Variants in IRAK2 observed in about 807,000 individuals in gnomAD.
IRAK2 encodes the protein interleukin 1 receptor associated kinase 2, also known as interleukin-1 receptor-associated kinase-like 2.
In IRAK2, 57 loss-of-function variants were observed where a neutral mutation model predicts 72.0. The observed-to-expected ratio is 0.79, with a 90% confidence interval of 0.64 to 0.99. IRAK2 has a LOEUF of 0.99. Ranked by LOEUF, IRAK2 falls within the 50% of genes least tolerant of loss-of-function variation. The pLI is 0.00. For synonymous variants in IRAK2, 293 were observed against 312.7 expected, an observed-to-expected ratio of 0.94 and a Z score of 0.67; for missense variants, 790 against 794.4, an observed-to-expected ratio of 0.99 and a Z score of 0.07.
intron 11 of IRAK2, among the ~76,000 whole-genome samples, chr3:10,236,646 C>T (rs766810468): frequency 8.5e-5 from 13 of 152,116 alleles, no homozygotes; most frequent in Non-Finnish European, 1.3e-4. Context: ...CTGTGCCCAG[C>T]CTCACTAAGG....
rs371683960 is a variant in IRAK2, at chr3:10,213,338, C to A, written c.660C>A (p.Thr220=). 22 of 1,613,940 alleles carry A rather than the reference C, an allele frequency of 1.4e-5. No individual in the cohort carries two copies. Among genetic ancestry groups the A allele is most frequent in the East Asian group, 6.7e-5 (3 of 44,880 alleles). The change falls in exon 5 of 13, where the codon ACC becomes ACA. Residue 220 remains threonine, a synonymous_variant. Coordinates refer to ENST00000256458, the MANE Select transcript of IRAK2 (RefSeq NM_001570.4). ...FNQNRKISQG[T]FADVYRGHRH... ...AAAACCGCAAAATCAGCCAGGGGAC[C>A]TTTGCTGACGTCTACAGAGGGCACA...
chr3:10,219,655 G>C, intron 7 of IRAK2, 25 bp from the exon 8 acceptor site: 1 of 1,564,950 alleles, frequency 6.4e-7, no homozygotes, highest in Non-Finnish European at 8.8e-7. Context: ...GTGACTATTT[G>C]TCCTCCTGCT....
intron 1 of IRAK2, among the ~76,000 whole-genome samples, chr3:10,176,065 G>GT (rs58627914): frequency 0.034 from 2,645 of 77,270 alleles, 32 homozygotes; most frequent in African/African-American, 0.052. Flanking sequence ...TATTGTCCAT[G>GT]TTTTTTTTTT....
chr3:10,236,952 A>C (rs546535215), intron 11 of IRAK2, among the ~76,000 whole-genome samples: 3 of 152,322 alleles, frequency 2.0e-5, no homozygotes, highest in African/African-American at 7.2e-5. Context: ...TTTGTTTGCT[A>C]TCCTTACCAT....
chr3:10,235,900 C>A (rs1697948761), intron 11 of IRAK2, among the ~76,000 whole-genome samples: 1 of 152,158 alleles, frequency 6.6e-6, no homozygotes, highest in African/African-American at 2.4e-5. Context: ...TTGTTCTCAG[C>A]CTTTGCTAGC....
rs1698074077 is a variant in IRAK2 at position 10,242,331 on chromosome 3, A to C, written c.*103A>C. 1 of 643,658 alleles carries C rather than the reference A, an allele frequency of 1.6e-6. No homozygotes were observed. The highest frequency in any genetic ancestry group is 2.7e-6 in the Non-Finnish European group (1 of 368,364). The allele number at this position is 643,658 out of a possible 1,614,324, so 39.9% of individuals were successfully genotyped here. On this transcript the variant is annotated 3_prime_UTR_variant, in exon 13 of 13. Coordinates refer to ENST00000256458, the MANE Select transcript of IRAK2 (RefSeq NM_001570.4). ...ATCCAAGATCTGCCAGGAAACACAC[A>C]ACAAAACATCTGCTGTCCTGGGTGG... is the stretch of plus-strand genomic sequence containing the variant.
intron 2 of IRAK2, among the ~76,000 whole-genome samples, chr3:10,196,934 C>G (rs372315195): frequency 6.6e-6 from 1 of 152,168 alleles, no homozygotes; most frequent in African/African-American, 2.4e-5. Context: ...GCTACTCACA[C>G]TAGCTTGGAA....
chr3:10,168,663 G>A (rs1047734004), intron 1 of IRAK2, among the ~76,000 whole-genome samples: 8 of 152,248 alleles, frequency 5.3e-5, no homozygotes, highest in Admixed American at 4.6e-4. Context: ...ATACCTCTGC[G>A]AGGCTCCCCA....
intron 11 of IRAK2, among the ~76,000 whole-genome samples, chr3:10,236,808 CAAG>C (rs1697967250): frequency 6.6e-6 from 1 of 152,224 alleles, no homozygotes; most frequent in Non-Finnish European, 1.5e-5. Context: ...ACTGCTATAA[CAAG>C]GAGACTGCAA....
intron 3 of IRAK2, among the ~76,000 whole-genome samples, chr3:10,206,650 G>A (rs1165223696): frequency 6.6e-6 from 1 of 152,156 alleles, no homozygotes; most frequent in Non-Finnish European, 1.5e-5. Flanking sequence ...CTGCCTCCCA[G>A]GTTTAAGCGA....
intron 11 of IRAK2, 64 bp downstream of exon 11, chr3:10,234,723 G>A (rs1697924797): frequency 7.0e-7 from 1 of 1,434,598 alleles, no homozygotes; most frequent in Non-Finnish European, 9.7e-7. Context: ...ATCGGGGACG[G>A]CCCCTTCGCA....
At chr3:10,238,529 G>C (rs539805910) in intron 11 of IRAK2, among the ~76,000 whole-genome samples, 1 of 152,262 alleles carries the variant, frequency 6.6e-6, no homozygotes, top group Non-Finnish European at 1.5e-5. Context: ...GGGGTACTAT[G>C]ATCTGCCCAT....
Position 10,213,363 on chromosome 3 carries a change from A to G in IRAK2, c.685A>G (p.Arg229Gly). 1 of 1,614,114 alleles carries G rather than the reference A, an allele frequency of 6.2e-7. No homozygotes were observed. Among genetic ancestry groups the G allele is most frequent in the Non-Finnish European group, 8.5e-7 (1 of 1,180,026 alleles). The change falls in exon 5 of 13, where the codon AGG becomes GGG. Residue 229 changes from arginine to glycine, a missense_variant. Transcript: ENST00000256458. Reference sequence around the variant, plus strand: ...CTTTGCTGACGTCTACAGAGGGCACAGGCACGGGAAGCCATTCGTCTTCAA... The same window carrying G: ...CTTTGCTGACGTCTACAGAGGGCACGGGCACGGGAAGCCATTCGTCTTCAA... Reference protein sequence around the residue: ...GTFADVYRGHRHGKPFVFKKL... With the variant: ...GTFADVYRGHGHGKPFVFKKL...
chr3:10,183,208 G>A (rs1401059367), intron 2 of IRAK2, among the ~76,000 whole-genome samples: 1 of 152,202 alleles, frequency 6.6e-6, no homozygotes, highest in Non-Finnish European at 1.5e-5. Context: ...GCCTGGATGT[G>A]ACTGTGGCCT....
chr3:10,242,241 A>T lies in IRAK2; in HGVS notation c.*13A>T. Reference sequence around the variant, plus strand: ...CTTTGGCCCCTGATGACCGGAACACAGCTGAGGACCCTTGTCCTCAGTTGG... The same window carrying T: ...CTTTGGCCCCTGATGACCGGAACACTGCTGAGGACCCTTGTCCTCAGTTGG... On this transcript the variant is annotated 3_prime_UTR_variant, in exon 13 of 13. Coordinates refer to ENST00000256458, the MANE Select transcript of IRAK2 (RefSeq NM_001570.4). 6.8e-7 allele frequency: 1 copy of T among 1,478,636 alleles called. No individual in the cohort carries two copies. The highest frequency in any genetic ancestry group is 9.4e-7 in the Non-Finnish European group (1 of 1,062,122). 91.6% of individuals were successfully genotyped at this position (1,478,636 alleles called of 1,614,324 possible).
intron 1 of IRAK2, among the ~76,000 whole-genome samples, chr3:10,167,437 C>T (rs1017671873): frequency 2.1e-4 from 31 of 149,112 alleles, no homozygotes; most frequent in Admixed American, 1.9e-3. Flanking sequence ...TTTTTTGAGA[C>T]GGAGTCTCGC....
intron 7 of IRAK2, among the ~76,000 whole-genome samples, chr3:10,217,412 A>G (rs577901840): frequency 1.3e-5 from 2 of 152,378 alleles, no homozygotes; most frequent in East Asian, 1.9e-4. Context: ...AAGGTATCTC[A>G]TAGAACTAAC....
chr3:10,225,925 T>C (rs1316325555), intron 9 of IRAK2, among the ~76,000 whole-genome samples: 1 of 152,070 alleles, frequency 6.6e-6, no homozygotes, highest in Non-Finnish European at 1.5e-5. Context: ...GGTCTCGATC[T>C]CCTGACCACG....
intron 2 of IRAK2, among the ~76,000 whole-genome samples, chr3:10,183,510 G>A (rs1696995324): frequency 6.6e-6 from 1 of 152,196 alleles, no homozygotes; most frequent in African/African-American, 2.4e-5. Context: ...AAGGTCAGGA[G>A]ATCGAGACCA....
Sources: gnomAD v4.1 joint callset for allele counts (sites outside exome capture counted in the v4.1 genomes callset) on GRCh38, gnomAD v4.1.1 for gene constraint, MANE v1.5 for transcripts, NCBI Gene and HGNC (gene_info 2026-07-23, HGNC 2026-07-21) for gene names.